SLC2A13: variants seen among roughly 807,000 people sequenced by gnomAD.
SLC2A13 encodes the protein solute carrier family 2 member 13.
Under a neutral mutation model 64.4 loss-of-function variants are expected in SLC2A13, and 32 were observed. The ratio of observed to expected loss-of-function variants is 0.50; its 90% CI spans 0.37 to 0.67. The LOEUF is 0.67. Ranked by LOEUF, SLC2A13 falls within the 30% of genes least tolerant of loss-of-function variation. The pLI is 0.00. For missense variants in SLC2A13, 743 were observed against 829.2 expected (o/e 0.90, Z 1.28); for synonymous variants, 338 against 327.1 (o/e 1.03, Z -0.36).
chr12:39,856,293 C>T (rs371250397), intron 6 of SLC2A13, among the ~76,000 whole-genome samples: 1 of 152,174 alleles, frequency 6.6e-6, no homozygotes, highest in East Asian at 1.9e-4. Context: ...AAACACCCAG[C>T]CAATCAAAAT....
intron 7 of SLC2A13, among the ~76,000 whole-genome samples, chr12:39,768,420 C>T (rs1940440078): frequency 1.3e-5 from 2 of 152,084 alleles, no homozygotes. Context: ...CTATTTGGTG[C>T]AAGAGGCCTA....
chr12:39,849,879 T>A (rs543234219), intron 6 of SLC2A13, among the ~76,000 whole-genome samples: 4 of 152,270 alleles, frequency 2.6e-5, no homozygotes, highest in Admixed American at 2.6e-4. Context: ...TTCAAAGCTC[T>A]GTTGTTGTTT....
intron 4 of SLC2A13, among the ~76,000 whole-genome samples, chr12:39,884,456 T>C (rs374620766): frequency 1.3e-5 from 2 of 152,182 alleles, no homozygotes; most frequent in Non-Finnish European, 2.9e-5. Flanking sequence ...CAGTAATAAA[T>C]TACAAGCCTA....
chr12:40,099,075 A>T (rs1220012458), intron 1 of SLC2A13, among the ~76,000 whole-genome samples: 1 of 152,230 alleles, frequency 6.6e-6, no homozygotes, highest in Non-Finnish European at 1.5e-5. Flanking sequence ...GTGGCCTTTA[A>T]TAAAAGGCCT....
chr12:39,833,892 TAAAAAAAAAA>T (rs1161840484), intron 6 of SLC2A13, among the ~76,000 whole-genome samples: 2 of 88,402 alleles, frequency 2.3e-5, no homozygotes, highest in African/African-American at 4.0e-5. Flanking sequence ...AGCATGGTCA[TAAAAAAAAAA>T]AAAAAAAAAA....
chr12:40,066,708 C>T (rs1358543506), intron 1 of SLC2A13, among the ~76,000 whole-genome samples: 1 of 152,114 alleles, frequency 6.6e-6, no homozygotes, highest in Non-Finnish European at 1.5e-5. Flanking sequence ...ATAAGAAAGA[C>T]TCATGAGTTC....
chr12:40,076,946 CTGTG>C (rs949077770), intron 1 of SLC2A13, among the ~76,000 whole-genome samples: 5 of 152,122 alleles, frequency 3.3e-5, no homozygotes, highest in Non-Finnish European at 4.4e-5. Context: ...TTCTTGTTGG[CTGTG>C]TGTGTCTTCT....
intron 6 of SLC2A13, among the ~76,000 whole-genome samples, chr12:39,842,292 G>A (rs1233103964): frequency 6.6e-6 from 1 of 152,092 alleles, no homozygotes; most frequent in Non-Finnish European, 1.5e-5. Context: ...TCCTGGTGAA[G>A]TATGCAGGAG....
In SLC2A13 at chr12:40,106,041, C is replaced by T. The variant is rs1939301932; in HGVS notation, c.-233G>A. The T allele has an allele frequency of 2.5e-6, 1 of 400,372 alleles. No individual in the cohort carries two copies. The highest frequency in any genetic ancestry group is 2.1e-5 in the African/African-American group (1 of 47,818). 24.8% of individuals were successfully genotyped at this position (400,372 alleles called of 1,614,324 possible). A position where few individuals can be genotyped will look rare whatever the true frequency, so the allele number is the denominator to read the frequency against. Reference sequence around the variant, plus strand: ...GGAGCCCGGCGGGTCTCACTCCACACTCACGCCCCGCGCCTGCCGAGCTGG... The same window carrying T: ...GGAGCCCGGCGGGTCTCACTCCACATTCACGCCCCGCGCCTGCCGAGCTGG... On this transcript the variant is annotated 5_prime_UTR_variant, in exon 1 of 10. The change creates a new upstream start codon in the 5' untranslated region. Transcript: ENST00000280871.
intron 3 of SLC2A13, among the ~76,000 whole-genome samples, chr12:39,991,533 A>G (rs1302344960): frequency 1.3e-5 from 2 of 152,152 alleles, no homozygotes; most frequent in Admixed American, 6.5e-5. Context: ...ATGTTTACCA[A>G]TGATTTTCTT....
Position 39,893,795 on chromosome 12 carries a change from ATTTAC to A in SLC2A13, c.1035-21839_1035-21835del, listed in dbSNP as rs1323398051. 6.6e-5 allele frequency among the ~76,000 whole-genome samples: 10 copies of A among 152,350 alleles called. No homozygotes were observed. In the South Asian group the frequency reaches 1.4e-3, roughly 22 times the overall value. The stretch of plus-strand genomic sequence containing the variant: ...ATTGAAAAGAAATACATTTTCTGCA[ATTTAC>A]TTTAAGCCCACAAAATAATATCCTC... On this transcript the variant is annotated intron_variant, in intron 4 of 9. Transcript: ENST00000280871.
At chr12:39,978,648 C>T (rs144039864) in intron 3 of SLC2A13, among the ~76,000 whole-genome samples, 2,383 of 152,244 alleles carry the variant, frequency 0.016, 62 homozygotes, top group African/African-American at 0.053. Flanking sequence ...GCGACAATAT[C>T]CCACACCTGG....
At chr12:39,872,352 T>C (rs1944079777) in intron 4 of SLC2A13, among the ~76,000 whole-genome samples, 2 of 152,210 alleles carry the variant, frequency 1.3e-5, no homozygotes, top group Non-Finnish European at 2.9e-5. Flanking sequence ...CATCATTCAC[T>C]GTGAATTAAT....
At chr12:40,014,500 C>CT (rs927935834) in intron 3 of SLC2A13, among the ~76,000 whole-genome samples, 14 of 150,380 alleles carry the variant, frequency 9.3e-5, no homozygotes, top group Admixed American at 4.0e-4. Flanking sequence ...ATTTTTTTTT[C>CT]TTTTTTTTGA....
At chr12:39,907,481 G>A (rs902466774) in intron 4 of SLC2A13, among the ~76,000 whole-genome samples, 3 of 152,022 alleles carry the variant, frequency 2.0e-5, no homozygotes, top group African/African-American at 4.8e-5. Flanking sequence ...CAGTGCCCTA[G>A]GATTCCTACA....
Position 39,863,018 on chromosome 12 carries a change from T to C in SLC2A13, c.1319+1744A>G, listed in dbSNP as rs1943802094. Among the ~76,000 whole-genome samples, 11 of 152,254 alleles carry C rather than the reference T, an allele frequency of 7.2e-5. No homozygotes were observed. The South Asian group carries it at 2.3e-3, about 32-fold the overall frequency. ...TCACTTAGACTATAAATACATACTGTCAAATTCCCACAAAGCCTAATATGT... is the reference window on the plus strand; with the variant it reads ...TCACTTAGACTATAAATACATACTGCCAAATTCCCACAAAGCCTAATATGT... On this transcript the variant is annotated intron_variant, in intron 6 of 9. Transcript: ENST00000280871.
At chr12:39,780,413 T>C (rs1940939636) in intron 7 of SLC2A13, among the ~76,000 whole-genome samples, 1 of 152,172 alleles carries the variant, frequency 6.6e-6, no homozygotes, top group Non-Finnish European at 1.5e-5. Flanking sequence ...TCCCCTAAGT[T>C]AGCATTCTTT....
intron 3 of SLC2A13, among the ~76,000 whole-genome samples, chr12:39,981,795 A>G (rs1477221582): frequency 6.9e-5 from 9 of 130,192 alleles, no homozygotes; most frequent in East Asian, 2.4e-4. Context: ...CAATCAATAG[A>G]AAAAGAGGGA....
chr12:40,054,423 AAT>A (rs1948305116), intron 1 of SLC2A13, among the ~76,000 whole-genome samples: 1 of 152,202 alleles, frequency 6.6e-6, no homozygotes, highest in African/African-American at 2.4e-5. Context: ...CACACATTGA[AAT>A]TAACACAAGG....
Sources: allele counts gnomAD v4.1 joint callset (sites outside exome capture counted in the v4.1 genomes callset), GRCh38; gene constraint gnomAD v4.1.1; transcripts MANE v1.5; gene names NCBI Gene and HGNC (gene_info 2026-07-23, HGNC 2026-07-21).